LURAP1: variants seen among roughly 807,000 people sequenced by gnomAD.
LURAP1 encodes NF-kappa-B activator C1orf190.
Under a neutral mutation model 19.0 loss-of-function variants are expected in LURAP1, and 14 were observed. The observed-to-expected ratio is 0.74, with a 90% CI of 0.49 to 1.15. The LOEUF (loss-of-function observed/expected upper bound fraction) is 1.15, where lower values mean the gene tolerates loss of function less well. LURAP1 is among the 50% of genes most tolerant of loss of function. The pLI is 0.00. For missense variants in LURAP1, 273 were observed against 309.1 expected (o/e 0.88, Z 0.87); for synonymous variants, 129 against 131.8 (o/e 0.98, Z 0.14).
At position 46,219,840 on chromosome 1, in the gene LURAP1, C is replaced by G; in HGVS notation, c.340C>G (p.Leu114Val). ...CSSLTSSQYS[L>V]TGGSPGRSRR... ...CAGCCTCACCAGCAGTCAATATAGC[C>G]TGACAGGCGGGAGCCCAGGCCGCTC... The change falls in exon 2 of 2, where the codon CTG (leucine) becomes GTG (valine). Residue 114 changes from leucine to valine, a missense_variant. By Grantham distance (32) the Leu-to-Val change is conservative (BLOSUM62 1). Coordinates refer to ENST00000371980, the MANE Select transcript of LURAP1 (RefSeq NM_001013615.3). The G allele has an allele frequency of 6.2e-7, 1 of 1,614,220 alleles. No individual in the cohort carries two copies. Among genetic ancestry groups the G allele is most frequent in the East Asian group, 2.2e-5 (1 of 44,886 alleles).
rs766228409 is a variant in LURAP1, at chr1:46,208,032, G to A, written c.198+4408G>A. ...ACAGGCACCCGCCTAGTTAATTTTT[G>A]TATTTTTAGTAGAGATGGGGTTTCA... On this transcript the variant is annotated intron_variant, in intron 1 of 1. Transcript: ENST00000371980. Among the ~76,000 whole-genome samples the A allele has an allele frequency of 2.0e-5, 3 of 151,646 alleles. No homozygotes were observed. The East Asian group carries it at 5.8e-4, about 29-fold the overall frequency.
intron 1 of LURAP1, among the ~76,000 whole-genome samples, chr1:46,211,762 A>AAT (rs139100494): frequency 4.0e-5 from 6 of 151,746 alleles, no homozygotes; most frequent in Admixed American, 6.6e-5. Flanking sequence ...TCAATGTACA[A>AAT]ATATATATAT....
In LURAP1 at chr1:46,220,045, G is replaced by A; in HGVS notation, c.545G>A (p.Arg182Lys). The A allele has an allele frequency of 6.2e-7, 1 of 1,614,254 alleles. No individual in the cohort carries two copies. The highest frequency in any genetic ancestry group is 8.5e-7 in the Non-Finnish European group (1 of 1,180,042). ...AKVIAGGERARTEVDVAATRL... is the reference protein window; with the variant it reads ...AKVIAGGERAKTEVDVAATRL... ...GTTATAGCTGGTGGAGAGAGGGCCA[G>A]GACTGAGGTGGATGTGGCAGCCACC... is the stretch of plus-strand genomic sequence containing the variant. Residue 182 changes from arginine (R) to lysine (K), a missense_variant, in exon 2 of 2, where the codon AGG (arginine) becomes AAG (lysine). By Grantham distance (26) the Arg-to-Lys change is conservative. Coordinates refer to ENST00000371980, the MANE Select transcript of LURAP1 (RefSeq NM_001013615.3).
intron 1 of LURAP1, among the ~76,000 whole-genome samples, chr1:46,211,341 G>A (rs1658887765): frequency 6.6e-6 from 1 of 152,042 alleles, no homozygotes; most frequent in African/African-American, 2.4e-5. Context: ...GTCAGAAAGA[G>A]ACTGTTTCCT....
chr1:46,206,841 G>C (rs1658732180), intron 1 of LURAP1, among the ~76,000 whole-genome samples: 1 of 152,150 alleles, frequency 6.6e-6, no homozygotes, highest in Non-Finnish European at 1.5e-5. Flanking sequence ...AAATGGATTG[G>C]GCAGGATCTG....
intron 1 of LURAP1, among the ~76,000 whole-genome samples, chr1:46,218,465 A>G (rs914854161): frequency 1.3e-5 from 2 of 152,268 alleles, no homozygotes; most frequent in African/African-American, 4.8e-5. Context: ...TTCACAGAGC[A>G]GAATGCTAGA....
Position 46,203,459 on chromosome 1 carries a change from C to G in LURAP1, c.33C>G (p.Asp11Glu). 6.6e-7 allele frequency: 1 copy of G among 1,504,034 alleles called. No individual in the cohort carries two copies. The highest frequency in any genetic ancestry group is 8.9e-7 in the Non-Finnish European group (1 of 1,127,040). The allele number at this position is 1,504,034 out of a possible 1,614,324, so 93.2% of individuals were successfully genotyped here. The change falls in exon 1 of 2, where the codon GAC becomes GAG. Residue 11 changes from aspartate to glutamate, a missense_variant. Coordinates refer to ENST00000371980, the MANE Select transcript of LURAP1 (RefSeq NM_001013615.3). ...GGACCGTGGAGTCCCAGACGCCTGA[C>G]CTGCGGGATGTGGAGGGTAAGGTGG... MEGTVESQTP[D>E]LRDVEGKVGR... is the part of the protein sequence containing the mutation.
chr1:46,217,815 C>T (rs1334933685), intron 1 of LURAP1, among the ~76,000 whole-genome samples: 1 of 151,996 alleles, frequency 6.6e-6, no homozygotes. Flanking sequence ...TAAGATGGCG[C>T]CATTGCACTC....
At position 46,203,555 on chromosome 1, in the gene LURAP1, G is replaced by A; in HGVS notation, c.129G>A (p.Leu43=). The part of the protein sequence containing the change: ...GECELGTSGA[L]LLPGASSTGH... The stretch of plus-strand genomic sequence containing the variant: ...GTGAGCTGGGAACCTCTGGCGCCCT[G>A]CTGCTCCCAGGGGCGTCTAGCACCG... The change falls in exon 1 of 2, where the codon CTG becomes CTA. Residue 43 remains leucine (L), a synonymous_variant. Coordinates refer to ENST00000371980, the MANE Select transcript of LURAP1 (RefSeq NM_001013615.3). The A allele has an allele frequency of 3.2e-6, 5 of 1,569,514 alleles. No individual in the cohort carries two copies. Among genetic ancestry groups the A allele is most frequent in the Non-Finnish European group, 3.4e-6 (4 of 1,161,214 alleles).
At chr1:46,211,833 C>T (rs1378682688) in intron 1 of LURAP1, among the ~76,000 whole-genome samples, 5 of 151,566 alleles carry the variant, frequency 3.3e-5, no homozygotes, top group Non-Finnish European at 7.4e-5. Flanking sequence ...GGTGTGATCT[C>T]GGCTCACTAC....
chr1:46,212,673 T>C (rs191518026), intron 1 of LURAP1, among the ~76,000 whole-genome samples: 304 of 152,274 alleles, frequency 2.0e-3, no homozygotes, highest in African/African-American at 7.1e-3. Flanking sequence ...GCCTCCCGGG[T>C]TCAAGTGATT....
intron 1 of LURAP1, among the ~76,000 whole-genome samples, chr1:46,217,240 T>C (rs1379465853): frequency 6.6e-6 from 1 of 152,116 alleles, no homozygotes; most frequent in African/African-American, 2.4e-5. Context: ...GAGGGCTCCT[T>C]AAGAGATGCC....
intron 1 of LURAP1, among the ~76,000 whole-genome samples, chr1:46,214,568 AC>A (rs1269620826): frequency 6.6e-6 from 1 of 151,970 alleles, no homozygotes; most frequent in Non-Finnish European, 1.5e-5. Flanking sequence ...AAAAAGAAAA[AC>A]CAAAGAGTTG....
chr1:46,215,905 T>G (rs116587732), intron 1 of LURAP1, among the ~76,000 whole-genome samples: 2,947 of 152,112 alleles, frequency 0.019, 89 homozygotes, highest in African/African-American at 0.065. Context: ...GTCTCAAAAA[T>G]AAAATACGAC....
intron 1 of LURAP1, among the ~76,000 whole-genome samples, chr1:46,219,235 C>T (rs1244427493): frequency 2.0e-5 from 3 of 150,596 alleles, no homozygotes; most frequent in Admixed American, 6.7e-5. Flanking sequence ...GCGGAGGTTG[C>T]GGTGAGCTGA....
Position 46,203,623 on chromosome 1 carries a change from T to C in LURAP1, c.197T>C (p.Leu66Pro). 1 of 1,601,082 alleles carries C rather than the reference T, an allele frequency of 6.2e-7. No individual in the cohort carries two copies. The highest frequency in any genetic ancestry group is 8.5e-7 in the Non-Finnish European group (1 of 1,175,406). The change falls in exon 1 of 2, where the codon CTG becomes CCG. Residue 66 changes from leucine (L) to proline (P), a missense_variant and splice_region_variant. Transcript: ENST00000371980. The part of the protein sequence containing the change: ...GDKIMALKME[L>P]AYLRAIDVKI... ...AAGATCATGGCGCTGAAGATGGAGCTGGTGAGTGCTGAATCCATGGGCCAA... is the reference window on the plus strand; with the variant it reads ...AAGATCATGGCGCTGAAGATGGAGCCGGTGAGTGCTGAATCCATGGGCCAA...
Position 46,220,272 on chromosome 1 carries a change from GTC to G in LURAP1, c.*55_*56del, listed in dbSNP as rs1413445579. 2 of 1,522,130 alleles carry G rather than the reference GTC, an allele frequency of 1.3e-6. No individual in the cohort carries two copies. The highest frequency in any genetic ancestry group is 1.8e-6 in the Non-Finnish European group (2 of 1,135,692). 94.3% of individuals were successfully genotyped at this position (1,522,130 alleles called of 1,614,324 possible). On this transcript the variant is annotated 3_prime_UTR_variant, in exon 2 of 2. Transcript: ENST00000371980. Reference sequence around the variant, plus strand: ...GTGGCTCTTTTATCCATTAGATGTGGTCTCCCCCAAAATTGATTCTCCCTCAG... The same window carrying G: ...GTGGCTCTTTTATCCATTAGATGTGGTCCCCCAAAATTGATTCTCCCTCAG...
intron 1 of LURAP1, among the ~76,000 whole-genome samples, chr1:46,204,828 A>G (rs1332603606): frequency 6.6e-6 from 1 of 152,212 alleles, no homozygotes; most frequent in Non-Finnish European, 1.5e-5. Flanking sequence ...AAGGCCTAGT[A>G]AGAGCCTATC....
rs752321232 is a variant in LURAP1 at position 46,205,258 on chromosome 1, C to G, written c.198+1634C>G. On this transcript the variant is annotated intron_variant, in intron 1 of 1. Coordinates refer to ENST00000371980, the MANE Select transcript of LURAP1 (RefSeq NM_001013615.3). Reference sequence around the variant, plus strand: ...GGGTGACAGAGCTCAGAGCTAGACCCTGTCTCAAAAAAAGAAGGGGAAGAA... The same window carrying G: ...GGGTGACAGAGCTCAGAGCTAGACCGTGTCTCAAAAAAAGAAGGGGAAGAA... 2.6e-4 allele frequency among the ~76,000 whole-genome samples: 40 copies of G among 151,564 alleles called. 1 individual carries two copies. In the Middle Eastern group the frequency reaches 0.034, roughly 131 times the overall value.
Sources: gnomAD v4.1 joint callset for allele counts (sites outside exome capture counted in the v4.1 genomes callset) on GRCh38, gnomAD v4.1.1 for gene constraint, MANE v1.5 for transcripts, NCBI Gene and HGNC (gene_info 2026-07-23, HGNC 2026-07-21) for gene names.